THEMIS: variants seen among roughly 807,000 people sequenced by gnomAD.
THEMIS encodes the protein protein THEMIS.
Under a neutral mutation model 52.6 loss-of-function variants are expected in THEMIS, and 37 were observed. That is an observed-to-expected ratio of 0.70 (90% CI 0.54 to 0.93). The LOEUF is 0.93. THEMIS is among the 40% of genes least tolerant of loss of function. The probability of loss-of-function intolerance (pLI) is 0.00; values close to 1 mark genes in which losing one functional copy is unlikely to be tolerated. For missense variants in THEMIS, 808 were observed against 763.1 expected (o/e 1.06, Z -0.69); for synonymous variants, 292 against 272.7 (o/e 1.07, Z -0.70).
intron 2 of THEMIS, among the ~76,000 whole-genome samples, chr6:127,839,593 C>T (rs1562291886): frequency 6.6e-6 from 1 of 152,030 alleles, no homozygotes; most frequent in Admixed American, 6.6e-5. Flanking sequence ...GCCTCGAACT[C>T]CTGGGTTCAT....
At chr6:127,900,455 C>G (rs1015000996) in intron 1 of THEMIS, among the ~76,000 whole-genome samples, 2 of 151,854 alleles carry the variant, frequency 1.3e-5, no homozygotes, top group African/African-American at 2.4e-5. Flanking sequence ...AAACACTGTG[C>G]CTTTGATAGT....
intron 1 of THEMIS, among the ~76,000 whole-genome samples, chr6:127,856,338 C>T (rs907948730): frequency 6.6e-6 from 1 of 151,872 alleles, no homozygotes; most frequent in Non-Finnish European, 1.5e-5. Flanking sequence ...ATCAGAGTCC[C>T]AATAGGTAAC....
upstream of THEMIS, among the ~76,000 whole-genome samples, chr6:127,901,234 G>C (rs150840527): frequency 2.5e-3 from 386 of 152,198 alleles, 3 homozygotes; most frequent in Non-Finnish European, 2.5e-3. Context: ...AAAATGAGAC[G>C]TGCTAAGTAG....
Position 127,709,606 on chromosome 6 carries a change from A to T in THEMIS, c.*379T>A, listed in dbSNP as rs1331831421. 6.0e-6 allele frequency: 1 copy of T among 166,574 alleles called. No individual in the cohort carries two copies. Among genetic ancestry groups the T allele is most frequent in the Non-Finnish European group, 1.3e-5 (1 of 77,924 alleles). The allele number at this position is 166,574 out of a possible 1,614,324, so 10.3% of individuals were successfully genotyped here. On this transcript the variant is annotated 3_prime_UTR_variant, in exon 6 of 6. Coordinates refer to ENST00000368248, the MANE Select transcript of THEMIS (RefSeq NM_001010923.3). ...CAAAACAAATTCTGGAAAAAAAAGA[A>T]AATATTTGGTGGCTTTTATCCTATT... is the stretch of plus-strand genomic sequence containing the variant.
At chr6:127,781,510 T>C (rs1215987247) in intron 4 of THEMIS, among the ~76,000 whole-genome samples, 1 of 152,188 alleles carries the variant, frequency 6.6e-6, no homozygotes, top group Non-Finnish European at 1.5e-5. Context: ...TGCTGATTTC[T>C]CCCCTTCTTT....
intron 1 of THEMIS, among the ~76,000 whole-genome samples, chr6:127,878,301 T>G (rs984146493): frequency 2.0e-5 from 3 of 152,174 alleles, no homozygotes; most frequent in African/African-American, 7.2e-5. Flanking sequence ...TGATTCTAAC[T>G]AGAAGGGTAG....
chr6:127,864,242 GA>G (rs1345933228), intron 1 of THEMIS, among the ~76,000 whole-genome samples: 1 of 151,282 alleles, frequency 6.6e-6, no homozygotes, highest in Non-Finnish European at 1.5e-5. Context: ...CCACCCTGCT[GA>G]AAAAAAATTG....
In THEMIS at chr6:127,861,501, A is replaced by C. The variant is rs909937448; in HGVS notation, c.92-6313T>G. Among the ~76,000 whole-genome samples, 3 of 151,810 alleles carry C rather than the reference A, an allele frequency of 2.0e-5. No individual in the cohort carries two copies. The South Asian group carries it at 6.2e-4, about 32-fold the overall frequency. ...ATTATAGTTTAGAAATTGAGAGTAAAGACTGGGCACAGTGGCTCACGCCTG... is the reference window on the plus strand; with the variant it reads ...ATTATAGTTTAGAAATTGAGAGTAACGACTGGGCACAGTGGCTCACGCCTG... On this transcript the variant is annotated intron_variant, in intron 1 of 5. Transcript: ENST00000368248.
chr6:127,710,351 C>T lies in THEMIS; in HGVS notation c.1895-335G>A, dbSNP rs111836626. ...CATATGGGTAATGTAAGGTAGAAAA[C>T]TGAGGCCTCAGTGAAGTTGAGACCT... On this transcript the variant is annotated intron_variant, in intron 5 of 5. Coordinates refer to ENST00000368248, the MANE Select transcript of THEMIS (RefSeq NM_001010923.3). 7.6e-4 allele frequency among the ~76,000 whole-genome samples: 116 copies of T among 152,038 alleles called. 1 individual carries two copies. The highest frequency in any genetic ancestry group is 2.7e-3 in the African/African-American group (114 of 41,522).
chr6:127,832,981 G>A (rs1001920890), intron 2 of THEMIS, among the ~76,000 whole-genome samples: 2 of 151,210 alleles, frequency 1.3e-5, no homozygotes, highest in Non-Finnish European at 3.0e-5. Flanking sequence ...ACAGGGTTTC[G>A]CCATGTTGGC....
chr6:127,793,821 T>C (rs1385249636), intron 4 of THEMIS, among the ~76,000 whole-genome samples: 2 of 152,236 alleles, frequency 1.3e-5, no homozygotes, highest in African/African-American at 4.8e-5. Context: ...TCTAACCTCA[T>C]TTTATAAGCA....
At chr6:127,763,293 TA>T (rs1776083640) in intron 4 of THEMIS, among the ~76,000 whole-genome samples, 1 of 152,074 alleles carries the variant, frequency 6.6e-6, no homozygotes, top group Non-Finnish European at 1.5e-5. Context: ...TAGTGCTGTA[TA>T]ACTTACAGAA....
intron 1 of THEMIS, among the ~76,000 whole-genome samples, chr6:127,912,821 C>T (rs1028157492): frequency 1.3e-5 from 2 of 151,954 alleles, no homozygotes; most frequent in African/African-American, 4.8e-5. Context: ...TTTTGTATAC[C>T]TGTTTGTATT....
chr6:127,812,584 C>A (rs1289876545), intron 4 of THEMIS, among the ~76,000 whole-genome samples: 1 of 152,098 alleles, frequency 6.6e-6, no homozygotes, highest in Non-Finnish European at 1.5e-5. Flanking sequence ...GCTTCTAAGG[C>A]ACTTTATAAA....
At chr6:127,840,753 A>G (rs1779019034) in intron 2 of THEMIS, among the ~76,000 whole-genome samples, 1 of 152,106 alleles carries the variant, frequency 6.6e-6, no homozygotes. Flanking sequence ...AGACAATGAA[A>G]TATTACTCAG....
chr6:127,846,831 A>AC (rs1779231106), intron 2 of THEMIS, among the ~76,000 whole-genome samples: 1 of 151,692 alleles, frequency 6.6e-6, no homozygotes, highest in Admixed American at 6.6e-5. Flanking sequence ...AAAGGCCTTA[A>AC]CAAAAAAAAA....
chr6:127,907,236 T>C (rs1781293612), intron 1 of THEMIS, among the ~76,000 whole-genome samples: 1 of 151,412 alleles, frequency 6.6e-6, no homozygotes, highest in South Asian at 2.1e-4. Flanking sequence ...AACCAAAAGG[T>C]GCCATTTATT....
At chr6:127,780,338 T>C (rs1489904712) in intron 4 of THEMIS, among the ~76,000 whole-genome samples, 1 of 152,196 alleles carries the variant, frequency 6.6e-6, no homozygotes, top group East Asian at 1.9e-4. Flanking sequence ...CGATGGGTCT[T>C]TACTCTACCC....
At chr6:127,864,792 G>T (rs930886889) in intron 1 of THEMIS, among the ~76,000 whole-genome samples, 1 of 152,080 alleles carries the variant, frequency 6.6e-6, no homozygotes, top group Non-Finnish European at 1.5e-5. Flanking sequence ...TCAAAGGTCC[G>T]CATATCCACT....
Sources: gnomAD v4.1 joint callset for allele counts (sites outside exome capture counted in the v4.1 genomes callset) on GRCh38, gnomAD v4.1.1 for gene constraint, MANE v1.5 for transcripts, NCBI Gene and HGNC (gene_info 2026-07-23, HGNC 2026-07-21) for gene names.